ANO4: variants seen among roughly 807,000 people sequenced by gnomAD.
ANO4 encodes the protein anoctamin-4.
In ANO4, 69 loss-of-function variants were observed where a neutral mutation model predicts 141.9. The observed-to-expected ratio is 0.49, with a 90% confidence interval of 0.40 to 0.59. The LOEUF (loss-of-function observed/expected upper bound fraction) is 0.59. ANO4 is among the 20% of genes least tolerant of loss of function. ANO4 has a pLI of 0.00. For synonymous variants in ANO4, 350 were observed against 394.3 expected (o/e 0.89, Z 1.33); for missense variants, 894 against 1,162.2 (o/e 0.77, Z 3.36).
intron 3 of ANO4, among the ~76,000 whole-genome samples, chr12:100,749,991 A>G (rs2032299351): frequency 6.6e-6 from 1 of 152,200 alleles, no homozygotes; most frequent in African/African-American, 2.4e-5. Context: ...AAAATATGAT[A>G]CTGAAGCTTC....
Position 100,770,781 on chromosome 12 carries a change from A to ATTTT in ANO4, c.358+30693_358+30696dup, listed in dbSNP as rs10652346. Among the ~76,000 whole-genome samples, 8 of 131,368 alleles carry ATTTT rather than the reference A, an allele frequency of 6.1e-5. No individual in the cohort carries two copies. The South Asian group carries it at 7.7e-4, about 13-fold the overall frequency. The allele number at this position is 131,368 out of a possible 152,430, so 86.2% of individuals were successfully genotyped here. On this transcript the variant is annotated intron_variant, in intron 3 of 29. Transcript: ENST00000644049. Reference sequence around the variant, plus strand: ...CAGAGTGGAAGAGGCCTTGGCTTGAATTTTTTTTTTTTTTTTTTTTGCATT... The same window carrying ATTTT: ...CAGAGTGGAAGAGGCCTTGGCTTGAATTTTTTTTTTTTTTTTTTTTTTTTGCATT...
At chr12:101,119,985 T>C (rs78336712) in intron 25 of ANO4, among the ~76,000 whole-genome samples, 3 of 152,136 alleles carry the variant, frequency 2.0e-5, no homozygotes, top group African/African-American at 7.2e-5. Context: ...GTGGCAGAAA[T>C]CCAGGGTAAA....
intron 14 of ANO4, among the ~76,000 whole-genome samples, chr12:101,065,708 C>T (rs1177685720): frequency 1.3e-5 from 2 of 152,132 alleles, no homozygotes; most frequent in African/African-American, 4.8e-5. Context: ...AGCAATCCTA[C>T]TTGAACTGTT....
intron 1 of ANO4, among the ~76,000 whole-genome samples, chr12:100,876,162 C>G (rs1335143526): frequency 1.3e-5 from 2 of 151,414 alleles, no homozygotes; most frequent in Admixed American, 1.3e-4. Flanking sequence ...TGTAGCTTGT[C>G]CTGGGAGGAA....
intron 1 of ANO4, among the ~76,000 whole-genome samples, chr12:100,893,808 G>A (rs1367449857): frequency 2.0e-5 from 3 of 152,072 alleles, no homozygotes; most frequent in African/African-American, 7.2e-5. Context: ...ATAGAATTTG[G>A]TCGCAGGGGG....
intron 1 of ANO4, among the ~76,000 whole-genome samples, chr12:100,811,861 C>G (rs149158660): frequency 1.3e-5 from 2 of 152,216 alleles, no homozygotes; most frequent in Admixed American, 6.5e-5. Flanking sequence ...GATAGACTCC[C>G]CTAAACCATG....
intron 7 of ANO4, among the ~76,000 whole-genome samples, chr12:100,978,587 T>C (rs1294788169): frequency 6.6e-6 from 1 of 152,186 alleles, no homozygotes; most frequent in Non-Finnish European, 1.5e-5. Context: ...TAAGCTATAA[T>C]CTCTATCTCT....
chr12:100,794,284 G>A (rs1199612411), upstream of ANO4, among the ~76,000 whole-genome samples: 1 of 152,176 alleles, frequency 6.6e-6, no homozygotes, highest in East Asian at 1.9e-4. Flanking sequence ...CAGTAGGGCT[G>A]TCTGGACTGT....
chr12:100,887,799 C>A (rs910363637), intron 1 of ANO4, among the ~76,000 whole-genome samples: 1 of 152,176 alleles, frequency 6.6e-6, no homozygotes, highest in Non-Finnish European at 1.5e-5. Flanking sequence ...TATAAACTTA[C>A]AATTGCCTAC....
At chr12:101,091,615 T>A (rs939927830) in intron 17 of ANO4, among the ~76,000 whole-genome samples, 2 of 152,164 alleles carry the variant, frequency 1.3e-5, no homozygotes, top group African/African-American at 4.8e-5. Context: ...CAATATAGAT[T>A]TTTTACAGCT....
chr12:100,884,388 A>G (rs2135966460), intron 1 of ANO4, among the ~76,000 whole-genome samples: 1 of 152,292 alleles, frequency 6.6e-6, no homozygotes, highest in Middle Eastern at 3.4e-3. Flanking sequence ...AGGGCCCCCC[A>G]TGACCACTGC....
At position 101,016,204 on chromosome 12, in the gene ANO4, A is replaced by G. The variant is rs567810560; in HGVS notation, c.735-3830A>G. On this transcript the variant is annotated intron_variant, in intron 8 of 27. Coordinates refer to ENST00000392977, the MANE Select transcript of ANO4 (RefSeq NM_001286615.2). ...TAAAGAAACGAGGTCTATTTTGGCC[A>G]CAGTTATATAAACCTGTACAGGAAG... Among the ~76,000 whole-genome samples the G allele has an allele frequency of 2.0e-5, 3 of 152,310 alleles. No individual in the cohort carries two copies. In the South Asian group the frequency reaches 6.2e-4, roughly 32 times the overall value.
At chr12:101,087,608 T>C (rs1009509655) in intron 17 of ANO4, among the ~76,000 whole-genome samples, 1 of 152,160 alleles carries the variant, frequency 6.6e-6, no homozygotes, top group Non-Finnish European at 1.5e-5. Context: ...ATTGCTTTTG[T>C]TGATTTCCAG....
intron 1 of ANO4, among the ~76,000 whole-genome samples, chr12:100,853,650 A>G (rs142581127): frequency 6.8e-4 from 103 of 152,186 alleles, no homozygotes; most frequent in Non-Finnish European, 1.3e-3. Context: ...TTCAGAACCT[A>G]TAAAGTCTTT....
intron 9 of ANO4, among the ~76,000 whole-genome samples, chr12:101,032,360 G>T (rs1214419645): frequency 6.6e-6 from 1 of 152,188 alleles, no homozygotes; most frequent in Non-Finnish European, 1.5e-5. Flanking sequence ...AAATGGTGCT[G>T]GGAAAACGGG....
chr12:100,747,949 A>G (rs1022733626), intron 3 of ANO4, among the ~76,000 whole-genome samples: 1 of 152,204 alleles, frequency 6.6e-6, no homozygotes, highest in African/African-American at 2.4e-5. Context: ...CCTCATCAGG[A>G]AAGGAGTTGA....
At chr12:100,731,918 T>C (rs2031395852) in intron 1 of ANO4, among the ~76,000 whole-genome samples, 2 of 152,232 alleles carry the variant, frequency 1.3e-5, no homozygotes, top group South Asian at 4.1e-4. Context: ...TCTTGGTTGC[T>C]TCCAAGTTAT....
intron 14 of ANO4, chr12:101,067,023 A>C: frequency 7.0e-6 from 4 of 568,832 alleles, no homozygotes; most frequent in African/African-American, 1.9e-5. Flanking sequence ...AAAAAGAAAG[A>C]ACAGACCATG....
At chr12:101,056,994 T>G (rs922092205) in intron 14 of ANO4, among the ~76,000 whole-genome samples, 1 of 151,156 alleles carries the variant, frequency 6.6e-6, no homozygotes, top group African/African-American at 2.4e-5. Flanking sequence ...CCTAATGCTT[T>G]CCCTCCCCGA....
Sources: gnomAD v4.1 joint callset for allele counts (sites outside exome capture counted in the v4.1 genomes callset) on GRCh38, gnomAD v4.1.1 for gene constraint, MANE v1.5 for transcripts, NCBI Gene and HGNC (gene_info 2026-07-23, HGNC 2026-07-21) for gene names.